Variants in SIX1 observed in about 807,000 individuals in gnomAD.
SIX1 encodes the protein SIX homeobox 1.
SIX1 carries 11 observed loss-of-function variants against 26.5 expected under a neutral mutation model. The observed-to-expected ratio is 0.41, with a 90% CI of 0.26 to 0.69. SIX1 has a LOEUF of 0.69. Among genes scored for constraint, SIX1 ranks in the 30% least tolerant of loss-of-function variants. SIX1 has a pLI of 0.28. For synonymous variants in SIX1, 177 were observed against 166.2 expected, an observed-to-expected ratio of 1.06 and a Z score of -0.50; for missense variants, 333 against 365.9, an observed-to-expected ratio of 0.91 and a Z score of 0.73.
At position 60,644,505 on chromosome 14, in the gene SIX1, T is replaced by TAGG. The variant is rs1894907401; in HGVS notation, c.*1777_*1778insCCT. On this transcript the variant is annotated 3_prime_UTR_variant, in exon 2 of 2. Coordinates refer to ENST00000645694, the MANE Select transcript of SIX1 (RefSeq NM_005982.4). Reference sequence around the variant, plus strand: ...AAAGCTATTTGACAGTTTTAAAAAATAAGGCCTTGATTTCCCCAAGCACAC... The same window carrying TAGG: ...AAAGCTATTTGACAGTTTTAAAAAATAGGAAGGCCTTGATTTCCCCAAGCACAC... 1 of 151,920 alleles carries TAGG rather than the reference T, an allele frequency of 6.6e-6. No homozygotes were observed. Among genetic ancestry groups the TAGG allele is most frequent in the South Asian group, 2.1e-4 (1 of 4,822 alleles). 9.4% of individuals were successfully genotyped at this position (151,920 alleles called of 1,614,324 possible). A position where few individuals can be genotyped will look rare whatever the true frequency, so the allele number is the denominator to read the frequency against.
rs1003590047 is a variant in SIX1 at position 60,645,618 on chromosome 14, T to C, written c.*665A>G. 3 of 152,168 alleles carry C rather than the reference T, an allele frequency of 2.0e-5. No individual in the cohort carries two copies. Among genetic ancestry groups the C allele is most frequent in the Admixed American group, 6.5e-5 (1 of 15,276 alleles). The allele number at this position is 152,168 out of a possible 1,614,324, so 9.4% of individuals were successfully genotyped here. A position where few individuals can be genotyped will look rare whatever the true frequency, so the allele number is the denominator to read the frequency against. On this transcript the variant is annotated 3_prime_UTR_variant, in exon 2 of 2. Coordinates refer to ENST00000645694, the MANE Select transcript of SIX1 (RefSeq NM_005982.4). This position sits in a 1 kb window ranked among gnomAD's most constrained non-coding sequence, Gnocchi z 4.6. ...TGGTCACGTCTATTTCTGTCTCACA[T>C]AGAGAGCATTAAGACATTTAGGCAC...
In SIX1 at chr14:60,647,146, G is replaced by A. The variant is rs1420600349; in HGVS notation, c.561-569C>T. 6.6e-6 allele frequency among the ~76,000 whole-genome samples: 1 copy of A among 152,184 alleles called. No individual in the cohort carries two copies. Among genetic ancestry groups the A allele is most frequent in the African/African-American group, 2.4e-5 (1 of 41,446 alleles). ...AGACACAGAACAGGTCATGGGAAGTGGTGCCCAGCGCGGCCCAGTGACCTG... is the reference window on the plus strand; with the variant it reads ...AGACACAGAACAGGTCATGGGAAGTAGTGCCCAGCGCGGCCCAGTGACCTG... On this transcript the variant is annotated intron_variant, in intron 1 of 1. Coordinates refer to ENST00000645694, the MANE Select transcript of SIX1 (RefSeq NM_005982.4). The surrounding 1 kb of genome is among the most constrained non-coding windows in gnomAD (Gnocchi z 5.1).
rs1404357119 is a variant in SIX1 at position 60,646,529 on chromosome 14, G to C, written c.609C>G (p.Leu203=). ...GCGGCTTGCCCCCTTCCAGAGGAGA[G>C]AGTTGGTTCTGCTTGTTGGAGGAGG... The part of the protein sequence containing the change: ...NNSSSNKQNQ[L]SPLEGGKPLM... The change falls in exon 2 of 2, where the codon CTC becomes CTG. Residue 203 remains leucine (L), a synonymous_variant. Coordinates refer to ENST00000645694, the MANE Select transcript of SIX1 (RefSeq NM_005982.4). The C allele has an allele frequency of 6.2e-7, 1 of 1,610,060 alleles. No individual in the cohort carries two copies. Among genetic ancestry groups the C allele is most frequent in the South Asian group, 1.1e-5 (1 of 90,954 alleles).
chr14:60,648,566 A>G lies in SIX1; in HGVS notation c.560+64T>C, dbSNP rs947135290. The stretch of plus-strand genomic sequence containing the variant: ...GGTGGCTGGTGCCTGCGGGGGCGGG[A>G]GGGGGCGGAGGAGAAAGGACGGCTT... On this transcript the variant is annotated intron_variant, in intron 1 of 1. Transcript: ENST00000645694. The surrounding 1 kb of genome is among the most constrained non-coding windows in gnomAD (Gnocchi z 7.9). 1 of 1,485,294 alleles carries G rather than the reference A, an allele frequency of 6.7e-7. No homozygotes were observed. The highest frequency in any genetic ancestry group is 9.2e-7 in the Non-Finnish European group (1 of 1,091,828). The allele number at this position is 1,485,294 out of a possible 1,614,324, so 92.0% of individuals were successfully genotyped here.
chr14:60,647,502 T>G lies in SIX1; in HGVS notation c.561-925A>C, dbSNP rs1894970069. On this transcript the variant is annotated intron_variant, in intron 1 of 1. Coordinates refer to ENST00000645694, the MANE Select transcript of SIX1 (RefSeq NM_005982.4). This position sits in a 1 kb window ranked among gnomAD's most constrained non-coding sequence, Gnocchi z 5.1. ...GCCGCTTCCGCCTTCCGAGTGCTCG[T>G]CAGTCCTCCCGACTCCTAGCGCCTG... is the stretch of plus-strand genomic sequence containing the variant. Among the ~76,000 whole-genome samples the G allele has an allele frequency of 6.6e-6, 1 of 152,196 alleles. No individual in the cohort carries two copies. Among genetic ancestry groups the G allele is most frequent in the African/African-American group, 2.4e-5 (1 of 41,452 alleles).
rs1894937744 is a variant in SIX1, at chr14:60,646,245, G to A, written c.*38C>T. ...GTCCCTAGTCGCTGCAGTGGTTGCTGCTCCAGGAATCCCTTCGAGGCCCCA... is the reference window on the plus strand; with the variant it reads ...GTCCCTAGTCGCTGCAGTGGTTGCTACTCCAGGAATCCCTTCGAGGCCCCA... On this transcript the variant is annotated 3_prime_UTR_variant, in exon 2 of 2. Coordinates refer to ENST00000645694, the MANE Select transcript of SIX1 (RefSeq NM_005982.4). 2.5e-6 allele frequency: 4 copies of A among 1,600,096 alleles called. No homozygotes were observed. The East Asian group carries it at 9.0e-5, about 36-fold the overall frequency.
Position 60,648,555 on chromosome 14 carries a change from GC to G in SIX1, c.560+74del, listed in dbSNP as rs1200313869. ...GGGGAGGACTTGGTGGCTGGTGCCT[GC>G]GGGGGCGGGAGGGGGCGGAGGAGAA... On this transcript the variant is annotated intron_variant, in intron 1 of 1. Transcript: ENST00000645694. This position sits in a 1 kb window ranked among gnomAD's most constrained non-coding sequence, Gnocchi z 7.9. The G allele has an allele frequency of 2.8e-6, 4 of 1,452,030 alleles. No homozygotes were observed. Among genetic ancestry groups the G allele is most frequent in the Non-Finnish European group, 3.8e-6 (4 of 1,063,994 alleles). 89.9% of individuals were successfully genotyped at this position (1,452,030 alleles called of 1,614,324 possible).
chr14:60,646,516 C>G lies in SIX1; in HGVS notation c.622G>C (p.Gly208Arg). ...NKQNQLSPLE[G>R]GKPLMSSSEE... Reference sequence around the variant, plus strand: ...GAGCTGGACATGAGCGGCTTGCCCCCTTCCAGAGGAGAGAGTTGGTTCTGC... The same window carrying G: ...GAGCTGGACATGAGCGGCTTGCCCCGTTCCAGAGGAGAGAGTTGGTTCTGC... Residue 208 changes from glycine to arginine, a missense_variant, in exon 2 of 2, where the codon GGG (glycine) becomes CGG (arginine). By Grantham distance (125) the Gly-to-Arg change is moderately radical. Around this residue, in one of 3 missense-constraint regions of SIX1, gnomAD observed 199 missense variants for 215.2 expected, o/e 0.92. Transcript: ENST00000645694. The G allele has an allele frequency of 3.7e-6, 6 of 1,613,612 alleles. No individual in the cohort carries two copies. The highest frequency in any genetic ancestry group is 1.1e-5 in the South Asian group (1 of 91,046).
Position 60,649,045 on chromosome 14 carries a change from C to T in SIX1, c.145G>A (p.Val49Ile), listed in dbSNP as rs904273350. The T allele has an allele frequency of 1.9e-6, 3 of 1,613,958 alleles. No homozygotes were observed. Among genetic ancestry groups the T allele is most frequent in the South Asian group, 1.1e-5 (1 of 91,088 alleles). ...ACDHLHKNES[V>I]LKAKAVVAFH... Reference sequence around the variant, plus strand: ...GCGACCACCGCCTTGGCCTTGAGTACGCTCTCGTTCTTGTGCAGGTGGTCG... The same window carrying T: ...GCGACCACCGCCTTGGCCTTGAGTATGCTCTCGTTCTTGTGCAGGTGGTCG... The change falls in exon 1 of 2, where the codon GTA becomes ATA. Residue 49 changes from valine to isoleucine, a missense_variant. Val to Ile is a conservative substitution (Grantham distance 29, BLOSUM62 3). This residue lies in a region of SIX1 where 133 missense variants were observed against 131.8 expected (regional missense o/e 1.01). Transcript: ENST00000645694. The surrounding 1 kb of genome is among the most constrained non-coding windows in gnomAD (Gnocchi z 5.1).
intron 1 of SIX1, 60 bp from the exon 2 acceptor site, chr14:60,646,637 T>TA (rs901773702): frequency 3.3e-4 from 421 of 1,270,250 alleles, no homozygotes; most frequent in Middle Eastern, 5.0e-4. Context: ...AAAAGTAGGT[T>TA]AAAAAAAAAG....
At position 60,649,167 on chromosome 14, in the gene SIX1, C is replaced by G. The variant is rs778375446; in HGVS notation, c.23G>C (p.Gly8Ala). 6.2e-7 allele frequency: 1 copy of G among 1,610,358 alleles called. No individual in the cohort carries two copies. The highest frequency in any genetic ancestry group is 8.5e-7 in the Non-Finnish European group (1 of 1,179,912). Residue 8 changes from glycine to alanine, a missense_variant, in exon 1 of 2, where the codon GGC (glycine) becomes GCC (alanine). This residue lies in a region of SIX1 where 133 missense variants were observed against 131.8 expected (regional missense o/e 1.01). Transcript: ENST00000645694. The surrounding 1 kb of genome is among the most constrained non-coding windows in gnomAD (Gnocchi z 5.1). MSMLPSF[G>A]FTQEQVACVC... is the part of the protein sequence containing the mutation. ...GCACGCCACTTGCTCCTGCGTAAAG[C>G]CAAACGACGGCAGCATCGACATGGC...
chr14:60,647,415 G>T lies in SIX1; in HGVS notation c.561-838C>A, dbSNP rs1173312669. Among the ~76,000 whole-genome samples the T allele has an allele frequency of 1.3e-5, 2 of 152,194 alleles. No homozygotes were observed. ...CCCCGCACAGGCTGCCAGCGGGCGCGGCGCGCTGGGGCGTCAGTCCGGGCA... is the reference window on the plus strand; with the variant it reads ...CCCCGCACAGGCTGCCAGCGGGCGCTGCGCGCTGGGGCGTCAGTCCGGGCA... On this transcript the variant is annotated intron_variant, in intron 1 of 1. Transcript: ENST00000645694. This position sits in a 1 kb window ranked among gnomAD's most constrained non-coding sequence, Gnocchi z 5.1.
rs2140238484 is a variant in SIX1, at chr14:60,644,809, C to G, written c.*1474G>C. On this transcript the variant is annotated 3_prime_UTR_variant, in exon 2 of 2. Transcript: ENST00000645694. ...CCAGGCAAAAATAATATGGAGCCTA[C>G]ATGATTACTGGGATTTTTCTAGACA... 6.6e-6 allele frequency: 1 copy of G among 152,320 alleles called. No homozygotes were observed. Among genetic ancestry groups the G allele is most frequent in the South Asian group, 2.1e-4 (1 of 4,828 alleles). The allele number at this position is 152,320 out of a possible 1,614,324, so 9.4% of individuals were successfully genotyped here.
Position 60,648,497 on chromosome 14 carries a change from TGC to T in SIX1, c.560+131_560+132del, listed in dbSNP as rs1894992732. ...TTTCGCTGCAGCGCCGCGGAGGGCCTGCGCGCCGCCCCGTGGACGGGCTCCGG... is the reference window on the plus strand; with the variant it reads ...TTTCGCTGCAGCGCCGCGGAGGGCCTGCGCCGCCCCGTGGACGGGCTCCGG... On this transcript the variant is annotated intron_variant, in intron 1 of 1. Coordinates refer to ENST00000645694, the MANE Select transcript of SIX1 (RefSeq NM_005982.4). The surrounding 1 kb of genome is among the most constrained non-coding windows in gnomAD (Gnocchi z 7.9). 1.2e-6 allele frequency: 1 copy of T among 822,400 alleles called. No homozygotes were observed. The highest frequency in any genetic ancestry group is 1.9e-6 in the Non-Finnish European group (1 of 525,700). The allele number at this position is 822,400 out of a possible 1,614,324, so 50.9% of individuals were successfully genotyped here.
chr14:60,648,597 G>T lies in SIX1; in HGVS notation c.560+33C>A. The T allele has an allele frequency of 1.9e-6, 3 of 1,581,928 alleles. No individual in the cohort carries two copies. The highest frequency in any genetic ancestry group is 2.6e-6 in the Non-Finnish European group (3 of 1,162,772). ...CGGAGGAGAAAGGACGGCTTCCTAGGGTCGCCCGAGTCGCGGGAAGCACGC... is the reference window on the plus strand; with the variant it reads ...CGGAGGAGAAAGGACGGCTTCCTAGTGTCGCCCGAGTCGCGGGAAGCACGC... On this transcript the variant is annotated intron_variant, in intron 1 of 1. Coordinates refer to ENST00000645694, the MANE Select transcript of SIX1 (RefSeq NM_005982.4). The surrounding 1 kb of genome is among the most constrained non-coding windows in gnomAD (Gnocchi z 7.9).
In SIX1 at chr14:60,644,713, G is replaced by C. The variant is rs1054948020; in HGVS notation, c.*1570C>G. ...CAAGCCAATCCTGTTATCCTGAGTA[G>C]AATTTTAATAAATAATGCCATTTGT... is the stretch of plus-strand genomic sequence containing the variant. On this transcript the variant is annotated 3_prime_UTR_variant, in exon 2 of 2. Coordinates refer to ENST00000645694, the MANE Select transcript of SIX1 (RefSeq NM_005982.4). 2.0e-5 allele frequency: 3 copies of C among 152,190 alleles called. No individual in the cohort carries two copies. The highest frequency in any genetic ancestry group is 7.2e-5 in the African/African-American group (3 of 41,452). The allele number at this position is 152,190 out of a possible 1,614,324, so 9.4% of individuals were successfully genotyped here. A position where few individuals can be genotyped will look rare whatever the true frequency, so the allele number is the denominator to read the frequency against.
Position 60,649,030 on chromosome 14 carries a change from C to T in SIX1, c.160G>A (p.Ala54Thr), listed in dbSNP as rs1261097341. 6.2e-7 allele frequency: 1 copy of T among 1,613,992 alleles called. No homozygotes were observed. The change falls in exon 1 of 2, where the codon GCG becomes ACG. Residue 54 changes from alanine (A) to threonine (T), a missense_variant. Ala to Thr is a moderately conservative substitution (Grantham distance 58). Around this residue, in one of 3 missense-constraint regions of SIX1, gnomAD observed 133 missense variants for 131.8 expected, o/e 1.01. Coordinates refer to ENST00000645694, the MANE Select transcript of SIX1 (RefSeq NM_005982.4). This position sits in a 1 kb window ranked among gnomAD's most constrained non-coding sequence, Gnocchi z 5.1. ...HKNESVLKAKAVVAFHRGNFR... is the reference protein window; with the variant it reads ...HKNESVLKAKTVVAFHRGNFR... ...TTGCCGCGGTGGAAGGCGACCACCG[C>T]CTTGGCCTTGAGTACGCTCTCGTTC... is the stretch of plus-strand genomic sequence containing the variant.
chr14:60,646,534 G>C lies in SIX1; in HGVS notation c.604C>G (p.Gln202Glu). The C allele has an allele frequency of 6.2e-7, 1 of 1,609,336 alleles. No homozygotes were observed. Among genetic ancestry groups the C allele is most frequent in the Non-Finnish European group, 8.5e-7 (1 of 1,178,942 alleles). ...NNNSSSNKQN[Q>E]LSPLEGGKPL... ...TTGCCCCCTTCCAGAGGAGAGAGTT[G>C]GTTCTGCTTGTTGGAGGAGGAGTTA... The change falls in exon 2 of 2, where the codon CAA (glutamine) becomes GAA (glutamate). Residue 202 changes from glutamine to glutamate, a missense_variant. Transcript: ENST00000645694.
chr14:60,647,327 C>A lies in SIX1; in HGVS notation c.561-750G>T, dbSNP rs1180263989. 6.6e-6 allele frequency among the ~76,000 whole-genome samples: 1 copy of A among 152,236 alleles called. No homozygotes were observed. The highest frequency in any genetic ancestry group is 1.5e-5 in the Non-Finnish European group (1 of 68,042). On this transcript the variant is annotated intron_variant, in intron 1 of 1. Transcript: ENST00000645694. The surrounding 1 kb of genome is among the most constrained non-coding windows in gnomAD (Gnocchi z 5.1). ...TAACTCTTCAGCCCCTCGTGTCCCC[C>A]TCTCAAACTTCCTACCAACACCCAC...
Sources: allele counts gnomAD v4.1 joint callset (sites outside exome capture counted in the v4.1 genomes callset), GRCh38; gene constraint gnomAD v4.1.1; regional missense constraint gnomAD v4.1.1; non-coding constraint Gnocchi (gnomAD v3.1); transcripts MANE v1.5; gene names NCBI Gene and HGNC (gene_info 2026-07-23, HGNC 2026-07-21).